The following ADAMTS6 variants were observed in gnomAD, a reference collection of about 807,000 sequenced individuals.
ADAMTS6 encodes the protein A disintegrin and metalloproteinase with thrombospondin motifs 6.
In ADAMTS6, 23 loss-of-function variants were observed where a neutral mutation model predicts 144.3. The observed-to-expected ratio is 0.16, with a 90% confidence interval of 0.11 to 0.23. The LOEUF (loss-of-function observed/expected upper bound fraction) is 0.23, where lower values mean the gene tolerates loss of function less well. Ranked by LOEUF, ADAMTS6 falls within the 10% of genes least tolerant of loss-of-function variation. ADAMTS6 has a pLI of 1.00. For missense variants in ADAMTS6, 999 were observed against 1,379.6 expected (o/e 0.72, Z 4.37); for synonymous variants, 444 against 457.5 (o/e 0.97, Z 0.38).
chr5:65,436,271 A>G (rs1442434114), intron 7 of ADAMTS6, among the ~76,000 whole-genome samples: 1 of 152,088 alleles, frequency 6.6e-6, no homozygotes, highest in Non-Finnish European at 1.5e-5. Flanking sequence ...TAGTGGCGCG[A>G]CTGCACTCCT....
At chr5:65,213,966 G>A (rs1341327958) in intron 20 of ADAMTS6, 1 of 164,128 alleles carries the variant, frequency 6.1e-6, no homozygotes, top group Non-Finnish European at 1.5e-5. Flanking sequence ...TAGGATCAAG[G>A]TGTACGGTGG....
chr5:65,441,845 A>C (rs1426938354), intron 7 of ADAMTS6, among the ~76,000 whole-genome samples: 1 of 151,992 alleles, frequency 6.6e-6, no homozygotes, highest in African/African-American at 2.4e-5. Flanking sequence ...AAAAAAAAAA[A>C]AAGAAATACT....
At chr5:65,217,775 G>C (rs540472649) in intron 18 of ADAMTS6, among the ~76,000 whole-genome samples, 2 of 152,110 alleles carry the variant, frequency 1.3e-5, no homozygotes, top group Non-Finnish European at 2.9e-5. Context: ...GTCTCACTAA[G>C]GGTTTCTGGA....
At chr5:65,459,688 A>C (rs1256830188) in intron 4 of ADAMTS6, among the ~76,000 whole-genome samples, 1 of 152,142 alleles carries the variant, frequency 6.6e-6, no homozygotes, top group African/African-American at 2.4e-5. Flanking sequence ...TCTTCCATGA[A>C]GCTTTCCTTG....
intron 7 of ADAMTS6, among the ~76,000 whole-genome samples, chr5:65,368,381 C>A (rs1050634553): frequency 2.0e-5 from 3 of 152,184 alleles, no homozygotes; most frequent in Admixed American, 6.5e-5. Flanking sequence ...CCATTTGTTG[C>A]TTCAAAGTGT....
At chr5:65,332,371 T>C (rs928446773) in intron 8 of ADAMTS6, among the ~76,000 whole-genome samples, 5 of 150,928 alleles carry the variant, frequency 3.3e-5, no homozygotes, top group African/African-American at 1.2e-4. Context: ...TATGTGTGTA[T>C]ATACACATTT....
At chr5:65,345,427 T>C (rs1263751797) in intron 7 of ADAMTS6, among the ~76,000 whole-genome samples, 2 of 151,760 alleles carry the variant, frequency 1.3e-5, no homozygotes, top group African/African-American at 4.8e-5. Context: ...ATTGCCTTGG[T>C]AAATAGATAA....
At chr5:65,424,619 C>T (rs1270451417) in intron 7 of ADAMTS6, among the ~76,000 whole-genome samples, 2 of 152,032 alleles carry the variant, frequency 1.3e-5, no homozygotes, top group African/African-American at 4.8e-5. Context: ...ACTAATGATC[C>T]TATGACAGTA....
In ADAMTS6 at chr5:65,287,732, G is replaced by A. The variant is rs543269042; in HGVS notation, c.1512+3597C>T. Reference sequence around the variant, plus strand: ...TTCAGTAGAGACAGGGTTTCTCCACGTTGGTCAGGCTGGTCTCGAACTCCC... The same window carrying A: ...TTCAGTAGAGACAGGGTTTCTCCACATTGGTCAGGCTGGTCTCGAACTCCC... On this transcript the variant is annotated intron_variant, in intron 11 of 24. Coordinates refer to ENST00000381055, the MANE Select transcript of ADAMTS6 (RefSeq NM_197941.4). Among the ~76,000 whole-genome samples the A allele has an allele frequency of 4.5e-3, 689 of 152,170 alleles. 8 individuals carry two copies. Among genetic ancestry groups the A allele is most frequent in the African/African-American group, 0.016 (667 of 41,522 alleles).
intron 9 of ADAMTS6, among the ~76,000 whole-genome samples, chr5:65,317,390 T>C (rs557953713): frequency 6.6e-6 from 1 of 152,252 alleles, no homozygotes; most frequent in South Asian, 2.1e-4. Flanking sequence ...TCTCACCATA[T>C]ACAATAATCA....
At chr5:65,274,843 C>T (rs1268053784) in intron 11 of ADAMTS6, among the ~76,000 whole-genome samples, 3 of 152,108 alleles carry the variant, frequency 2.0e-5, no homozygotes, top group African/African-American at 7.2e-5. Context: ...CGCCACCATG[C>T]CCAGCTAATT....
intron 15 of ADAMTS6, among the ~76,000 whole-genome samples, chr5:65,228,970 T>C (rs371169713): frequency 6.6e-6 from 1 of 152,192 alleles, no homozygotes; most frequent in Non-Finnish European, 1.5e-5. Flanking sequence ...GGCCACCTCA[T>C]AACTAGTCAA....
At chr5:65,178,061 G>T (rs926916288) in intron 22 of ADAMTS6, among the ~76,000 whole-genome samples, 4 of 152,196 alleles carry the variant, frequency 2.6e-5, no homozygotes, top group Non-Finnish European at 5.9e-5. Flanking sequence ...GACCTGAAGG[G>T]ATGCAGTGAG....
intron 21 of ADAMTS6, among the ~76,000 whole-genome samples, chr5:65,194,088 A>G (rs1261364480): frequency 6.6e-6 from 1 of 152,150 alleles, no homozygotes; most frequent in Non-Finnish European, 1.5e-5. Context: ...AAAAAAACCT[A>G]TCTGCTTTCT....
rs187615267 is a variant in ADAMTS6, at chr5:65,479,395, T to C, written c.-280+1948A>G. On this transcript the variant is annotated intron_variant, in intron 1 of 24. Coordinates refer to ENST00000381055, the MANE Select transcript of ADAMTS6 (RefSeq NM_197941.4). The stretch of plus-strand genomic sequence containing the variant: ...CAAGCAAATGAGCTAAAAGCAAAAA[T>C]ACAAACCATGATTTATAAAACTCAA... Among the ~76,000 whole-genome samples the C allele has an allele frequency of 2.0e-5, 3 of 152,260 alleles. No individual in the cohort carries two copies. In the East Asian group the frequency reaches 5.8e-4, roughly 29 times the overall value.
At chr5:65,260,144 A>C (rs1761053252) in intron 14 of ADAMTS6, among the ~76,000 whole-genome samples, 1 of 152,176 alleles carries the variant, frequency 6.6e-6, no homozygotes, top group Non-Finnish European at 1.5e-5. Flanking sequence ...GTACAGAAGA[A>C]GTTTCAGTAG....
chr5:65,435,153 C>G (rs116083788), intron 7 of ADAMTS6, among the ~76,000 whole-genome samples: 15 of 151,958 alleles, frequency 9.9e-5, no homozygotes, highest in South Asian at 2.1e-4. Context: ...AAATTAAACA[C>G]AAAGTTAATT....
chr5:65,236,560 T>C (rs1166143668), intron 15 of ADAMTS6, among the ~76,000 whole-genome samples: 1 of 152,192 alleles, frequency 6.6e-6, no homozygotes, highest in Non-Finnish European at 1.5e-5. Context: ...GTGCTGAGAT[T>C]ACAGGCATGA....
chr5:65,450,135 A>G (rs1758622736), intron 7 of ADAMTS6, among the ~76,000 whole-genome samples: 1 of 152,180 alleles, frequency 6.6e-6, no homozygotes, highest in African/African-American at 2.4e-5. Flanking sequence ...TTAATTCCTT[A>G]AGTATATTTA....
Sources: gnomAD v4.1 joint callset for allele counts (sites outside exome capture counted in the v4.1 genomes callset) on GRCh38, gnomAD v4.1.1 for gene constraint, MANE v1.5 for transcripts, NCBI Gene and HGNC (gene_info 2026-07-23, HGNC 2026-07-21) for gene names.